Variants in BAZ2B observed in about 807,000 individuals in gnomAD.
BAZ2B encodes the protein bromodomain adjacent to zinc finger domain protein 2B.
A neutral mutation model predicts 246.0 loss-of-function variants in BAZ2B; 91 were observed. That is an observed-to-expected ratio of 0.37 (90% CI 0.31 to 0.44). The LOEUF is 0.44. Among genes scored for constraint, BAZ2B ranks in the 20% least tolerant of loss-of-function variants. BAZ2B has a pLI of 1.00. For missense variants in BAZ2B, 2,332 were observed against 2,533.7 expected, an observed-to-expected ratio of 0.92 and a Z score of 1.71; for synonymous variants, 855 against 860.0, an observed-to-expected ratio of 0.99 and a Z score of 0.10.
At chr2:159,651,196 A>G in the BAZ2B span, among the ~76,000 whole-genome samples, 1 of 152,206 alleles carries the variant, frequency 6.6e-6, no homozygotes, top group Admixed American at 6.5e-5. Flanking sequence ...TGAATATAGA[A>G]AAAAATAGAA....
At chr2:159,571,823 T>A (rs1189224507) in intron 1 of BAZ2B, among the ~76,000 whole-genome samples, 1 of 152,116 alleles carries the variant, frequency 6.6e-6, no homozygotes, top group Non-Finnish European at 1.5e-5. Flanking sequence ...AGAGAGGATA[T>A]CTGTCAAATC....
At chr2:159,472,075 ACTT>A (rs879357291) in intron 3 of BAZ2B, among the ~76,000 whole-genome samples, 32 of 152,028 alleles carry the variant, frequency 2.1e-4, no homozygotes, top group Non-Finnish European at 2.6e-4. Flanking sequence ...ATTTGTTTCA[ACTT>A]CTTTTTAGTG....
At chr2:159,637,708 C>T in the BAZ2B span, among the ~76,000 whole-genome samples, 2 of 152,192 alleles carry the variant, frequency 1.3e-5, no homozygotes, top group Non-Finnish European at 2.9e-5. Context: ...CAGGCGCACA[C>T]CACCATGCCC....
chr2:159,411,728 A>C (rs2066870510), intron 14 of BAZ2B, among the ~76,000 whole-genome samples: 1 of 152,234 alleles, frequency 6.6e-6, no homozygotes. Context: ...CATTTTATGT[A>C]TAATGTCAAA....
chr2:159,672,060 AC>A, the BAZ2B span, among the ~76,000 whole-genome samples: 1 of 152,122 alleles, frequency 6.6e-6, no homozygotes, highest in Non-Finnish European at 1.5e-5. Context: ...TTCCATATAA[AC>A]ATTCTAAACT....
rs1378539434 is a variant in BAZ2B at position 159,352,511 on chromosome 2, G to A, written c.4214-2154C>T. On this transcript the variant is annotated intron_variant, in intron 27 of 36. Transcript: ENST00000392783. ...CTTTTTTTTTTTTTTTCTTAGATAG[G>A]GTCTCACTCTGTCACCCAGGCTGGA... Among the ~76,000 whole-genome samples, 3 of 149,600 alleles carry A rather than the reference G, an allele frequency of 2.0e-5. No individual in the cohort carries two copies. In the East Asian group the frequency reaches 5.9e-4, roughly 29 times the overall value.
the BAZ2B span, among the ~76,000 whole-genome samples, chr2:159,654,466 C>G: frequency 6.6e-6 from 1 of 152,204 alleles, no homozygotes; most frequent in South Asian, 2.1e-4. Context: ...GAAGGGCCAA[C>G]AAGATCCATT....
At chr2:159,497,118 T>C (rs1374948449) in intron 2 of BAZ2B, among the ~76,000 whole-genome samples, 6 of 152,202 alleles carry the variant, frequency 3.9e-5, no homozygotes, top group Admixed American at 2.0e-4. Context: ...AACCTAAATC[T>C]CAATTACTAT....
chr2:159,384,217 C>T (rs922031133), intron 23 of BAZ2B, among the ~76,000 whole-genome samples: 8 of 151,942 alleles, frequency 5.3e-5, no homozygotes, highest in African/African-American at 1.9e-4. Flanking sequence ...CCATAGTGTA[C>T]CATTTACATT....
At chr2:159,624,028 A>T in the BAZ2B span, among the ~76,000 whole-genome samples, 2 of 152,188 alleles carry the variant, frequency 1.3e-5, no homozygotes, top group African/African-American at 4.8e-5. Flanking sequence ...TCTGCCATTG[A>T]TGAGGCTTGA....
At chr2:159,620,864 G>C (rs1696404323), upstream of BAZ2B, among the ~76,000 whole-genome samples, 1 of 152,206 alleles carries the variant, frequency 6.6e-6, no homozygotes, top group South Asian at 2.1e-4. Context: ...GCTAGCAAAG[G>C]AGTGGCATGA....
rs532004898 is a variant in BAZ2B at position 159,492,122 on chromosome 2, CTTAA to C, written c.-2-13405_-2-13402del. 1.6e-3 allele frequency among the ~76,000 whole-genome samples: 238 copies of C among 152,292 alleles called. 1 individual carries two copies. Among genetic ancestry groups the C allele is most frequent in the African/African-American group, 5.1e-3 (214 of 41,570 alleles). ...TACTTTCTCTGTATTTCCAATCAAA[CTTAA>C]TTAGTCACCATCACCTGGTTCTTGC... On this transcript the variant is annotated intron_variant, in intron 2 of 36. Coordinates refer to ENST00000392783, the MANE Select transcript of BAZ2B (RefSeq NM_013450.4).
At chr2:159,697,112 T>C in the BAZ2B span, among the ~76,000 whole-genome samples, 1 of 151,906 alleles carries the variant, frequency 6.6e-6, no homozygotes, top group South Asian at 2.1e-4. Context: ...TATTTGTTCA[T>C]CTTTATTGGT....
chr2:159,401,008 A>G (rs2064964608), intron 16 of BAZ2B, among the ~76,000 whole-genome samples: 1 of 152,232 alleles, frequency 6.6e-6, no homozygotes, highest in African/African-American at 2.4e-5. Context: ...GTGCCACTGC[A>G]CTCCAGCCTG....
At chr2:159,682,904 A>ACCCCCCCCCCCCCC in the BAZ2B span, among the ~76,000 whole-genome samples, 2 of 95,342 alleles carry the variant, frequency 2.1e-5, no homozygotes, top group African/African-American at 7.0e-5. Flanking sequence ...ATAAACTGCC[A>ACCCCCCCCCCCCCC]CCCCTCCCCC....
At chr2:159,349,547 T>C (rs1296464759) in intron 28 of BAZ2B, among the ~76,000 whole-genome samples, 161 bp downstream of exon 28, 1 of 152,172 alleles carries the variant, frequency 6.6e-6, no homozygotes, top group African/African-American at 2.4e-5. Flanking sequence ...AAATCAGTAG[T>C]TCTAATGAAC....
chr2:159,444,976 A>G (rs1057189870), intron 6 of BAZ2B: 1 of 152,254 alleles, frequency 6.6e-6, no homozygotes, highest in Non-Finnish European at 1.5e-5. Flanking sequence ...TCCACTGATA[A>G]GAGTGTTCTA....
At chr2:159,566,143 T>C (rs1156811302) in intron 1 of BAZ2B, among the ~76,000 whole-genome samples, 1 of 152,002 alleles carries the variant, frequency 6.6e-6, no homozygotes, top group East Asian at 1.9e-4. Context: ...TCCCGAGTAG[T>C]TGAGATTACA....
chr2:159,471,869 AAGG>A (rs2077846558), intron 3 of BAZ2B, among the ~76,000 whole-genome samples: 1 of 152,168 alleles, frequency 6.6e-6, no homozygotes, highest in South Asian at 2.1e-4. Context: ...CAGGATTTCA[AAGG>A]AGATTTGTAA....
Sources: gnomAD v4.1 joint callset for allele counts (sites outside exome capture counted in the v4.1 genomes callset) on GRCh38, gnomAD v4.1.1 for gene constraint, MANE v1.5 for transcripts, NCBI Gene and HGNC (gene_info 2026-07-23, HGNC 2026-07-21) for gene names.